The following SHROOM3 variants were observed in gnomAD, a reference collection of about 807,000 sequenced individuals.
The protein encoded by SHROOM3 is shroom family member 3, also known as protein Shroom3.
Under a neutral mutation model 138.6 loss-of-function variants are expected in SHROOM3, and 47 were observed. The observed-to-expected ratio is 0.34, with a 90% CI of 0.27 to 0.43. The LOEUF (loss-of-function observed/expected upper bound fraction) is 0.43. Among genes scored for constraint, SHROOM3 ranks in the 20% least tolerant of loss-of-function variants. The probability of loss-of-function intolerance (pLI) is 1.00; values close to 1 mark genes in which losing one functional copy is unlikely to be tolerated. For synonymous variants in SHROOM3, 1,062 were observed against 1,063.3 expected (o/e 1.00, Z 0.02); for missense variants, 2,491 against 2,596.5 (o/e 0.96, Z 0.88).
chr4:76,476,747 C>T (rs1731492524), intron 1 of SHROOM3, among the ~76,000 whole-genome samples: 1 of 152,150 alleles, frequency 6.6e-6, no homozygotes, highest in South Asian at 2.1e-4. Context: ...GCAGTCTCTC[C>T]TTTCATCTCT....
At chr4:76,748,814 CTTTTTTTTTTTTT>C (rs34047499) in intron 5 of SHROOM3, among the ~76,000 whole-genome samples, 190 bp from the exon 6 acceptor site, 2 of 100,574 alleles carry the variant, frequency 2.0e-5, no homozygotes, top group East Asian at 2.7e-4. Flanking sequence ...TCTGACTCTG[CTTTTTTTTTTTTT>C]TTTTTTTTTT....
At chr4:76,474,037 GA>G (rs1731432985) in intron 1 of SHROOM3, among the ~76,000 whole-genome samples, 1 of 151,724 alleles carries the variant, frequency 6.6e-6, no homozygotes, top group South Asian at 2.1e-4. Flanking sequence ...CAAAAAAGTA[GA>G]AAAAAAATTT....
intron 2 of SHROOM3, among the ~76,000 whole-genome samples, chr4:76,699,679 C>T (rs1012525350): frequency 2.6e-5 from 4 of 152,162 alleles, no homozygotes; most frequent in African/African-American, 7.2e-5. Flanking sequence ...TTACTTCCAC[C>T]GTGCTTGTTG....
intron 1 of SHROOM3, among the ~76,000 whole-genome samples, chr4:76,497,823 A>G (rs1412343453): frequency 6.6e-6 from 1 of 152,214 alleles, no homozygotes; most frequent in Non-Finnish European, 1.5e-5. Flanking sequence ...GCGCCACTGC[A>G]CTCTAGCGTG....
chr4:76,665,070 C>T (rs1718656072), intron 2 of SHROOM3, among the ~76,000 whole-genome samples: 1 of 152,144 alleles, frequency 6.6e-6, no homozygotes, highest in African/African-American at 2.4e-5. Flanking sequence ...ATTCCCACCT[C>T]AAAGGGGTTC....
intron 10 of SHROOM3, 150 bp downstream of exon 10, chr4:76,771,048 CAG>C: frequency 9.6e-7 from 1 of 1,041,650 alleles, no homozygotes; most frequent in Non-Finnish European, 1.5e-6. Context: ...AACCAAGAAA[CAG>C]AGAAGGCATT....
chr4:76,666,138 A>C (rs552735420), intron 2 of SHROOM3, among the ~76,000 whole-genome samples: 90 of 152,332 alleles, frequency 5.9e-4, no homozygotes, highest in Non-Finnish European at 5.9e-5. Context: ...GTACCTCTAA[A>C]ATCCTTTAAA....
intron 1 of SHROOM3, among the ~76,000 whole-genome samples, chr4:76,505,577 A>G (rs1732192601): frequency 1.3e-5 from 2 of 152,036 alleles, no homozygotes; most frequent in African/African-American, 4.8e-5. Context: ...AAATAATAAT[A>G]CAACAATAAA....
rs561078550 is a variant in SHROOM3 at position 76,497,642 on chromosome 4, G to T, written c.169-57967G>T. Among the ~76,000 whole-genome samples, 12 of 152,286 alleles carry T rather than the reference G, an allele frequency of 7.9e-5. No homozygotes were observed. In the East Asian group the frequency reaches 2.3e-3, roughly 29 times the overall value. On this transcript the variant is annotated intron_variant, in intron 1 of 10. Transcript: ENST00000296043. ...GGAGGCTGAGGTGGGCAGATCACCTGAGGTCAGGAATTCGAGACCAGCCTG... is the reference window on the plus strand; with the variant it reads ...GGAGGCTGAGGTGGGCAGATCACCTTAGGTCAGGAATTCGAGACCAGCCTG...
At chr4:76,661,110 A>C (rs1322562517) in intron 2 of SHROOM3, among the ~76,000 whole-genome samples, 2 of 151,970 alleles carry the variant, frequency 1.3e-5, no homozygotes, top group African/African-American at 4.8e-5. Context: ...TTTGTTTTTA[A>C]AGATATTTTT....
chr4:76,601,897 C>G (rs1210014515), intron 2 of SHROOM3, among the ~76,000 whole-genome samples: 3 of 152,200 alleles, frequency 2.0e-5, no homozygotes, highest in Admixed American at 2.0e-4. Context: ...CCAAAGTCCT[C>G]AGGCCAGATG....
chr4:76,684,448 A>G (rs906729580), intron 2 of SHROOM3, among the ~76,000 whole-genome samples: 4 of 152,234 alleles, frequency 2.6e-5, no homozygotes, highest in Non-Finnish European at 5.9e-5. Flanking sequence ...AAACCTATAC[A>G]GGTTTGATAC....
intron 1 of SHROOM3, among the ~76,000 whole-genome samples, chr4:76,440,207 C>G (rs142134446): frequency 1.1e-3 from 165 of 152,316 alleles, no homozygotes; most frequent in African/African-American, 3.6e-3. Context: ...ACGTGTTCAC[C>G]CATTTAATTT....
At chr4:76,764,818 C>CT in intron 9 of SHROOM3, among the ~76,000 whole-genome samples, 1 of 152,120 alleles carries the variant, frequency 6.6e-6, no homozygotes, top group Non-Finnish European at 1.5e-5. Flanking sequence ...ACTTAGTTTT[C>CT]TTTGAGTTGA....
At chr4:76,608,555 C>T (rs935512026) in intron 2 of SHROOM3, among the ~76,000 whole-genome samples, 3 of 80,852 alleles carry the variant, frequency 3.7e-5, no homozygotes, top group Non-Finnish European at 5.6e-5. Context: ...CATAGCATAG[C>T]ATAGCATAGC....
chr4:76,607,371 G>A (rs1734643969), intron 2 of SHROOM3, among the ~76,000 whole-genome samples: 1 of 152,178 alleles, frequency 6.6e-6, no homozygotes, highest in African/African-American at 2.4e-5. Context: ...TACAGAACAA[G>A]AGCATTGCAT....
chr4:76,503,656 C>T lies in SHROOM3; in HGVS notation c.169-51953C>T, dbSNP rs576931536. Among the ~76,000 whole-genome samples the T allele has an allele frequency of 2.0e-5, 3 of 152,000 alleles. No homozygotes were observed. In the East Asian group the frequency reaches 5.8e-4, roughly 29 times the overall value. ...GTTGGCCAGGCTGGTCTCAAACTCC[C>T]GACTTGAGGTGATCCACCTACCTCG... On this transcript the variant is annotated intron_variant, in intron 1 of 10. Transcript: ENST00000296043.
At chr4:76,628,732 C>A (rs973068391) in intron 2 of SHROOM3, 8 of 151,836 alleles carry the variant, frequency 5.3e-5, no homozygotes, top group Admixed American at 3.9e-4. Context: ...ATTTGAAGGG[C>A]ATTTAAAAAT....
chr4:76,764,461 G>A (rs745583929), intron 9 of SHROOM3, among the ~76,000 whole-genome samples: 20 of 152,180 alleles, frequency 1.3e-4, no homozygotes, highest in Non-Finnish European at 1.9e-4. Flanking sequence ...GCCCATTCCC[G>A]CTGCTCTTCC....
Sources: gnomAD v4.1 joint callset for allele counts (sites outside exome capture counted in the v4.1 genomes callset) on GRCh38, gnomAD v4.1.1 for gene constraint, MANE v1.5 for transcripts, NCBI Gene and HGNC (gene_info 2026-07-23, HGNC 2026-07-21) for gene names.